DAB1: variants seen among roughly 807,000 people sequenced by gnomAD.
DAB1 encodes the protein disabled homolog 1.
Under a neutral mutation model 64.6 loss-of-function variants are expected in DAB1, and 15 were observed. The ratio of observed to expected loss-of-function variants is 0.23; its 90% CI spans 0.16 to 0.36. The LOEUF (loss-of-function observed/expected upper bound fraction) is 0.36. DAB1 is among the 10% of genes least tolerant of loss of function. The probability of loss-of-function intolerance (pLI) is 1.00; values close to 1 mark genes in which losing one functional copy is unlikely to be tolerated. For synonymous variants in DAB1, 235 were observed against 251.9 expected (o/e 0.93, Z 0.64); for missense variants, 596 against 706.7 (o/e 0.84, Z 1.78).
intron 7 of DAB1, among the ~76,000 whole-genome samples, chr1:57,601,395 G>A (rs936851650): frequency 1.3e-5 from 2 of 152,082 alleles, no homozygotes; most frequent in African/African-American, 2.4e-5. Flanking sequence ...CCAACATGTC[G>A]AAACCCCTTT....
chr1:57,528,637 GACACACACACACACACACACAC>G lies in DAB1; in HGVS notation n.625+120933_625+120954del, dbSNP rs372009576. Among the ~76,000 whole-genome samples the G allele has an allele frequency of 4.5e-4, 10 of 22,132 alleles. No individual in the cohort carries two copies. In the East Asian group the frequency reaches 0.19, roughly 410 times the overall value. The allele number at this position is 22,132 out of a possible 152,430, so 14.5% of individuals were successfully genotyped here. A position where few individuals can be genotyped will look rare whatever the true frequency, so the allele number is the denominator to read the frequency against. ...TAATGGAAAATATTAAAAGCAGCAGGACACACACACACACACACACACACACACACACACACACACGGACACA... is the reference window on the plus strand; with the variant it reads ...TAATGGAAAATATTAAAAGCAGCAGGACACACACACACACACACGGACACA... On this transcript the variant is annotated intron_variant and non_coding_transcript_variant, in intron 7 of 20. Transcript: ENST00000485760.
intron 5 of DAB1, among the ~76,000 whole-genome samples, chr1:58,113,898 GA>G (rs1557655497): frequency 6.6e-6 from 1 of 151,968 alleles, no homozygotes; most frequent in Admixed American, 6.6e-5. Flanking sequence ...GAAAATATTT[GA>G]ATAATATAGG....
chr1:57,886,507 T>G (rs1644224660), upstream of DAB1, among the ~76,000 whole-genome samples: 1 of 152,188 alleles, frequency 6.6e-6, no homozygotes, highest in Non-Finnish European at 1.5e-5. Flanking sequence ...AGTTAACAAA[T>G]TCTTTACCAC....
At chr1:58,391,186 G>C (rs1569720311) in intron 3 of DAB1, among the ~76,000 whole-genome samples, 1 of 152,234 alleles carries the variant, frequency 6.6e-6, no homozygotes. Context: ...AGGCCTGCTG[G>C]CTGGGGCAAG....
At chr1:58,159,980 A>T (rs1276817390) in intron 4 of DAB1, among the ~76,000 whole-genome samples, 1 of 152,226 alleles carries the variant, frequency 6.6e-6, no homozygotes, top group Non-Finnish European at 1.5e-5. Flanking sequence ...CTGAAGGAGG[A>T]AATAAAAGAA....
intron 9 of DAB1, among the ~76,000 whole-genome samples, chr1:57,057,667 GCA>G (rs1649925775): frequency 1.3e-5 from 2 of 151,278 alleles, no homozygotes; most frequent in Non-Finnish European, 2.9e-5. Context: ...GAGTGCAGTG[GCA>G]TGATCTCGGC....
chr1:57,988,764 C>G (rs1187995), intron 5 of DAB1, among the ~76,000 whole-genome samples: 9,193 of 152,212 alleles, frequency 0.06, 372 homozygotes, highest in Non-Finnish European at 0.095. Flanking sequence ...TATTCCTTAG[C>G]CTTCCAATTC....
intron 9 of DAB1, among the ~76,000 whole-genome samples, chr1:57,038,517 G>C (rs1314478135): frequency 2.0e-5 from 3 of 152,080 alleles, no homozygotes; most frequent in African/African-American, 7.2e-5. Context: ...AGAGAAATTG[G>C]TGCCTCTTTG....
chr1:58,264,460 C>A (rs1661116549), intron 4 of DAB1, among the ~76,000 whole-genome samples: 1 of 152,186 alleles, frequency 6.6e-6, no homozygotes, highest in Non-Finnish European at 1.5e-5. Context: ...GCCGCTGTAA[C>A]AAAGACATCT....
At chr1:58,365,466 G>A (rs1644208075) in intron 3 of DAB1, among the ~76,000 whole-genome samples, 1 of 152,184 alleles carries the variant, frequency 6.6e-6, no homozygotes, top group Admixed American at 6.5e-5. Flanking sequence ...GGGGCTTCAT[G>A]TGTCTGGTGA....
intron 2 of DAB1, among the ~76,000 whole-genome samples, chr1:57,162,519 C>A (rs1400266701): frequency 6.6e-6 from 1 of 152,232 alleles, no homozygotes; most frequent in Non-Finnish European, 1.5e-5. Flanking sequence ...GTTAATTAAA[C>A]CACAAATGAA....
At chr1:58,329,184 T>A (rs2100493019) in intron 4 of DAB1, among the ~76,000 whole-genome samples, 1 of 152,360 alleles carries the variant, frequency 6.6e-6, no homozygotes, top group South Asian at 2.1e-4. Flanking sequence ...AAATGAAAGT[T>A]GCCTATATAT....
At chr1:58,147,983 G>GAAAA (rs58099365) in intron 5 of DAB1, among the ~76,000 whole-genome samples, 48 of 113,522 alleles carry the variant, frequency 4.2e-4, no homozygotes, top group South Asian at 2.6e-3. Context: ...TATAGCTGGA[G>GAAAA]AAAAAAAAAA....
intron 5 of DAB1, among the ~76,000 whole-genome samples, chr1:57,968,861 G>A (rs2100300439): frequency 6.6e-6 from 1 of 152,252 alleles, no homozygotes; most frequent in East Asian, 1.9e-4. Flanking sequence ...AACCTACCCA[G>A]CTATAACTCT....
chr1:58,079,087 A>C (rs1649824921), intron 5 of DAB1, among the ~76,000 whole-genome samples: 1 of 151,768 alleles, frequency 6.6e-6, no homozygotes, highest in African/African-American at 2.4e-5. Context: ...AGGGCATTAA[A>C]CCTCCTCAAG....
At chr1:57,979,529 G>A (rs1300667260) in intron 5 of DAB1, among the ~76,000 whole-genome samples, 9 of 152,248 alleles carry the variant, frequency 5.9e-5, no homozygotes, top group African/African-American at 1.7e-4. Context: ...AAACCTGCAC[G>A]TTGTGCACAT....
At chr1:57,150,449 A>G (rs1171945835) in intron 2 of DAB1, among the ~76,000 whole-genome samples, 1 of 152,152 alleles carries the variant, frequency 6.6e-6, no homozygotes. Context: ...GTCCTGCCTC[A>G]GTGTTCTTCA....
At chr1:57,710,584 G>A (rs1326108677) in intron 6 of DAB1, among the ~76,000 whole-genome samples, 2 of 152,016 alleles carry the variant, frequency 1.3e-5, no homozygotes, top group Non-Finnish European at 2.9e-5. Flanking sequence ...CCAAGTTGTT[G>A]CGACTGGAAA....
chr1:57,784,191 T>G (rs1650234968), intron 6 of DAB1, among the ~76,000 whole-genome samples: 1 of 152,124 alleles, frequency 6.6e-6, no homozygotes, highest in African/African-American at 2.4e-5. Flanking sequence ...GCTCAGGAGT[T>G]TGAGACCAGT....
Sources: allele counts gnomAD v4.1 joint callset (sites outside exome capture counted in the v4.1 genomes callset), GRCh38; gene constraint gnomAD v4.1.1; transcripts MANE v1.5; gene names NCBI Gene and HGNC (gene_info 2026-07-23, HGNC 2026-07-21).